The following HAPSTR1 variants were observed in gnomAD, a reference collection of about 807,000 sequenced individuals.
The protein encoded by HAPSTR1 is HUWE1 associated protein modifying stress responses, also known as HUWE1-associated protein modifying stress responses 1.
At chr16:9,095,902 A>G in the HAPSTR1 span, among the ~76,000 whole-genome samples, 769 of 152,310 alleles carry the variant, frequency 5.0e-3, 7 homozygotes, top group African/African-American at 0.018. Context: ...TTTTGATTTG[A>G]TAAATGCAAA....
At chr16:9,119,714 G>A in the HAPSTR1 span, 1 of 152,232 alleles carries the variant, frequency 6.6e-6, no homozygotes, top group Non-Finnish European at 1.5e-5. Context: ...CTTGTCTGCA[G>A]TTTTGTTTTG....
chr16:9,099,503 C>G, the HAPSTR1 span, among the ~76,000 whole-genome samples: 1 of 152,144 alleles, frequency 6.6e-6, no homozygotes, highest in African/African-American at 2.4e-5. Flanking sequence ...CGCCCAGTTC[C>G]TTTTTTGAAT....
At chr16:9,120,168 C>T in the HAPSTR1 span, 6 of 152,202 alleles carry the variant, frequency 3.9e-5, no homozygotes, top group African/African-American at 1.4e-4. Flanking sequence ...GGATGGGAAT[C>T]TTCAGAGATA....
At chr16:9,096,024 T>C in the HAPSTR1 span, among the ~76,000 whole-genome samples, 1 of 152,214 alleles carries the variant, frequency 6.6e-6, no homozygotes. Context: ...AGGGTTGATG[T>C]TTACCCAGTG....
chr16:9,108,647 CTCTT>C, the HAPSTR1 span: 3 of 152,178 alleles, frequency 2.0e-5, no homozygotes, highest in Non-Finnish European at 4.4e-5. Flanking sequence ...AATTTTATAT[CTCTT>C]TCTGAGGTTT....
At chr16:9,103,512 T>G in the HAPSTR1 span, 1 of 448,282 alleles carries the variant, frequency 2.2e-6, no homozygotes, top group Non-Finnish European at 4.0e-6. Context: ...CTTTCTGCAG[T>G]GTTGATTAGA....
the HAPSTR1 span, among the ~76,000 whole-genome samples, chr16:9,093,790 G>A: frequency 6.6e-6 from 1 of 151,692 alleles, no homozygotes; most frequent in Non-Finnish European, 1.5e-5. Flanking sequence ...TGGTAACGGT[G>A]GGTTTAGATT....
the HAPSTR1 span, chr16:9,102,902 A>G: frequency 6.9e-7 from 1 of 1,440,422 alleles, no homozygotes; most frequent in Non-Finnish European, 9.4e-7. Context: ...ACTTTGGTTA[A>G]ATTGTAAAAT....
chr16:9,091,958 G>A, the HAPSTR1 span: 1 of 1,175,478 alleles, frequency 8.5e-7, no homozygotes, highest in Non-Finnish European at 1.1e-6. Context: ...CCTGCCGCCG[G>A]GCCGCTTGAC....
At chr16:9,091,885 C>T in the HAPSTR1 span, 2 of 500,310 alleles carry the variant, frequency 4.0e-6, no homozygotes, top group South Asian at 9.1e-5. Context: ...GCGGGGCTCG[C>T]CGGCCGTCGG....
At chr16:9,117,527 A>G in the HAPSTR1 span, 1 of 153,176 alleles carries the variant, frequency 6.5e-6, no homozygotes, top group Non-Finnish European at 1.5e-5. Context: ...CTAAATATTG[A>G]ATCAATGCCC....
At chr16:9,094,503 A>C in the HAPSTR1 span, among the ~76,000 whole-genome samples, 4 of 151,822 alleles carry the variant, frequency 2.6e-5, no homozygotes, top group Non-Finnish European at 5.9e-5. Context: ...TTTTTTTAAG[A>C]AGTAGAATAT....
the HAPSTR1 span, chr16:9,117,938 C>T: frequency 2.0e-5 from 3 of 152,576 alleles, no homozygotes; most frequent in Non-Finnish European, 4.4e-5. Context: ...ATAGCAAAAC[C>T]CAACTCTCCC....
chr16:9,092,331 C>T, the HAPSTR1 span: 2 of 1,300,688 alleles, frequency 1.5e-6, no homozygotes, highest in South Asian at 2.1e-5. Flanking sequence ...CCGGCCCCGG[C>T]CCTATCGGCT....
the HAPSTR1 span, among the ~76,000 whole-genome samples, chr16:9,115,440 C>T: frequency 6.6e-6 from 1 of 152,122 alleles, no homozygotes; most frequent in African/African-American, 2.4e-5. Flanking sequence ...AGATCACTGC[C>T]AGTGACGGTA....
chr16:9,101,797 C>T, the HAPSTR1 span, among the ~76,000 whole-genome samples: 1 of 150,476 alleles, frequency 6.6e-6, no homozygotes, highest in Non-Finnish European at 1.5e-5. Flanking sequence ...ATTGCCCATC[C>T]TTTGAGAGTC....
the HAPSTR1 span, chr16:9,116,813 A>C: frequency 6.2e-7 from 1 of 1,613,882 alleles, no homozygotes. Context: ...AAGAAATGGC[A>C]CTCCACTTGG....
At chr16:9,093,992 G>C in the HAPSTR1 span, among the ~76,000 whole-genome samples, 1 of 152,036 alleles carries the variant, frequency 6.6e-6, no homozygotes, top group African/African-American at 2.4e-5. Flanking sequence ...TGGTATTTTT[G>C]CCATATATAT....
At chr16:9,100,024 C>T in the HAPSTR1 span, among the ~76,000 whole-genome samples, 71 of 152,278 alleles carry the variant, frequency 4.7e-4, no homozygotes, top group East Asian at 2.9e-3. Context: ...ATACTGTTAA[C>T]AGTACAAAAC....
Sources: gnomAD v4.1 joint callset for allele counts (sites outside exome capture counted in the v4.1 genomes callset) on GRCh38, gnomAD v4.1.1 for gene constraint, MANE v1.5 for transcripts, NCBI Gene and HGNC (gene_info 2026-07-23, HGNC 2026-07-21) for gene names.